The following TBL1XR1 variants were observed in gnomAD, a reference collection of about 807,000 sequenced individuals.
TBL1XR1 encodes TBL1X/Y related 1, also known as F-box-like/WD repeat-containing protein TBL1XR1.
Under a neutral mutation model 66.9 loss-of-function variants are expected in TBL1XR1, and 5 were observed. The observed-to-expected ratio is 0.07, with a 90% CI of 0.04 to 0.16. The LOEUF (loss-of-function observed/expected upper bound fraction) is 0.16, where lower values mean the gene tolerates loss of function less well. Among genes scored for constraint, TBL1XR1 ranks in the 10% least tolerant of loss-of-function variants. TBL1XR1 has a pLI of 1.00. For missense variants in TBL1XR1, 238 were observed against 623.2 expected, an observed-to-expected ratio of 0.38 and a Z score of 6.58; for synonymous variants, 210 against 206.0, an observed-to-expected ratio of 1.02 and a Z score of -0.17.
At chr3:177,075,066 C>T (rs530679516) in intron 2 of TBL1XR1, among the ~76,000 whole-genome samples, 43 of 152,312 alleles carry the variant, frequency 2.8e-4, no homozygotes, top group African/African-American at 9.4e-4. Flanking sequence ...CAAACTGGGC[C>T]ACTTAAAATT....
chr3:177,119,748 G>A (rs561617054), intron 1 of TBL1XR1, among the ~76,000 whole-genome samples: 5 of 152,168 alleles, frequency 3.3e-5, no homozygotes, highest in Admixed American at 3.3e-4. Flanking sequence ...TGCGTGGCTA[G>A]AAGCTCCAGA....
chr3:177,122,473 T>C (rs778099121), intron 1 of TBL1XR1, among the ~76,000 whole-genome samples: 3 of 152,064 alleles, frequency 2.0e-5, no homozygotes, highest in Non-Finnish European at 4.4e-5. Context: ...TATCATGAGA[T>C]CTGCCTCTAA....
At chr3:177,180,981 C>T (rs1734749976) in intron 1 of TBL1XR1, among the ~76,000 whole-genome samples, 2 of 152,016 alleles carry the variant, frequency 1.3e-5, no homozygotes, top group Admixed American at 1.3e-4. Context: ...GATCCACCCA[C>T]CTCGGCCTAC....
intron 2 of TBL1XR1, among the ~76,000 whole-genome samples, chr3:177,072,537 T>C (rs981378105): frequency 6.6e-6 from 1 of 151,650 alleles, no homozygotes; most frequent in African/African-American, 2.4e-5. Context: ...ATTATGAAAA[T>C]CTTAAATGTT....
chr3:177,135,476 C>A (rs1237614756), intron 1 of TBL1XR1, among the ~76,000 whole-genome samples: 1 of 148,776 alleles, frequency 6.7e-6, no homozygotes, highest in Admixed American at 6.7e-5. Flanking sequence ...CTCCGCCAGC[C>A]GGGTTCACAC....
intron 1 of TBL1XR1, among the ~76,000 whole-genome samples, chr3:177,106,023 A>G (rs1174210046): frequency 1.3e-5 from 2 of 152,176 alleles, no homozygotes; most frequent in Non-Finnish European, 2.9e-5. Context: ...ATCTAATTTT[A>G]AGATTAATGA....
At chr3:177,186,528 C>CAA (rs752482374) in intron 1 of TBL1XR1, among the ~76,000 whole-genome samples, 4 of 152,070 alleles carry the variant, frequency 2.6e-5, no homozygotes, top group Admixed American at 6.6e-5. Flanking sequence ...AGAAATGTAG[C>CAA]AACATTAGTA....
chr3:177,107,101 C>A (rs772009481), intron 1 of TBL1XR1, among the ~76,000 whole-genome samples: 1 of 151,626 alleles, frequency 6.6e-6, no homozygotes, highest in Non-Finnish European at 1.5e-5. Context: ...TGCAATAGGC[C>A]TCTTTAAAAA....
intron 1 of TBL1XR1, among the ~76,000 whole-genome samples, chr3:177,163,300 A>G (rs930720171): frequency 1.3e-5 from 2 of 152,174 alleles, no homozygotes; most frequent in Non-Finnish European, 2.9e-5. Flanking sequence ...TGAGGTCAGG[A>G]GTTCGAGACC....
chr3:177,025,755 A>G (rs983562516), intron 15 of TBL1XR1, among the ~76,000 whole-genome samples: 1 of 152,148 alleles, frequency 6.6e-6, no homozygotes, highest in Non-Finnish European at 1.5e-5. Flanking sequence ...CACGGCTAGG[A>G]TTTTTATACT....
At chr3:177,167,475 T>C (rs757387298) in intron 1 of TBL1XR1, among the ~76,000 whole-genome samples, 8 of 152,228 alleles carry the variant, frequency 5.3e-5, no homozygotes, top group Non-Finnish European at 1.0e-4. Context: ...ATGTAAACTA[T>C]GGACTTTGGG....
At chr3:177,055,754 A>G (rs1042538052) in intron 3 of TBL1XR1, among the ~76,000 whole-genome samples, 2 of 152,158 alleles carry the variant, frequency 1.3e-5, no homozygotes, top group Non-Finnish European at 2.9e-5. Flanking sequence ...TTTCAATTAT[A>G]TAACCCCTCC....
At chr3:177,169,599 T>C (rs1166367604) in intron 1 of TBL1XR1, among the ~76,000 whole-genome samples, 2 of 152,238 alleles carry the variant, frequency 1.3e-5, no homozygotes, top group East Asian at 1.9e-4. Context: ...TGAAGCTTAA[T>C]AGAGAAATGA....
Position 177,033,022 on chromosome 3 carries a change from C to G in TBL1XR1, c.1365G>C (p.Arg455Ser). 6.2e-7 allele frequency: 1 copy of G among 1,607,318 alleles called. No homozygotes were observed. Among genetic ancestry groups the G allele is most frequent in the Non-Finnish European group, 8.5e-7 (1 of 1,175,978 alleles). Residue 455 changes from arginine (R) to serine (S), a missense_variant, in exon 14 of 16, where the codon AGG becomes AGC. This residue lies in a region of TBL1XR1 where 26 missense variants were observed against 35.1 expected (regional missense o/e 0.74). Transcript: ENST00000457928. ...VYSVAFSPDG[R>S]YLASGSFDKC... The stretch of plus-strand genomic sequence containing the variant: ...TGTCAAAAGAACCACTTGCCAGATA[C>G]CTGCCATCAGGACTGAAAGCTACAC...
At chr3:177,103,210 C>T (rs915751124) in intron 1 of TBL1XR1, among the ~76,000 whole-genome samples, 27 of 152,170 alleles carry the variant, frequency 1.8e-4, no homozygotes, top group African/African-American at 6.3e-4. Context: ...AACACCACTT[C>T]CAGAAGGTGA....
At chr3:177,091,215 A>G (rs1429834711) in intron 2 of TBL1XR1, 4 of 152,066 alleles carry the variant, frequency 2.6e-5, no homozygotes, top group Admixed American at 6.5e-5. Flanking sequence ...AATGAAAACA[A>G]CAGTCACTAC....
At chr3:177,144,468 AC>A (rs1730003746) in intron 1 of TBL1XR1, among the ~76,000 whole-genome samples, 2 of 151,250 alleles carry the variant, frequency 1.3e-5, no homozygotes, top group Non-Finnish European at 3.0e-5. Flanking sequence ...AGCAGCCATA[AC>A]CTGGCCGGGC....
At chr3:177,151,339 G>A (rs1730860056) in intron 1 of TBL1XR1, among the ~76,000 whole-genome samples, 1 of 152,174 alleles carries the variant, frequency 6.6e-6, no homozygotes, top group African/African-American at 2.4e-5. Context: ...AGTTGATGAT[G>A]GGGGTCCCCA....
intron 3 of TBL1XR1, among the ~76,000 whole-genome samples, chr3:177,061,826 A>C (rs1364527702): frequency 6.6e-6 from 1 of 152,228 alleles, no homozygotes; most frequent in Non-Finnish European, 1.5e-5. Context: ...CCCCAAAACA[A>C]CCCAGACATT....
Sources: gnomAD v4.1 joint callset for allele counts (sites outside exome capture counted in the v4.1 genomes callset) on GRCh38, gnomAD v4.1.1 for gene constraint, gnomAD v4.1.1 regional missense constraint, MANE v1.5 for transcripts, NCBI Gene and HGNC (gene_info 2026-07-23, HGNC 2026-07-21) for gene names.